Variants in DPF3 observed in about 807,000 individuals in gnomAD.
DPF3 encodes the protein zinc finger protein DPF3.
A neutral mutation model predicts 56.8 loss-of-function variants in DPF3; 18 were observed. The ratio of observed to expected loss-of-function variants is 0.32; its 90% CI spans 0.22 to 0.47. DPF3 has a LOEUF of 0.47. DPF3 is among the 20% of genes least tolerant of loss of function. The probability of loss-of-function intolerance (pLI) is 1.00; values close to 1 mark genes in which losing one functional copy is unlikely to be tolerated. For synonymous variants in DPF3, 188 were observed against 180.2 expected (o/e 1.04, Z -0.35); for missense variants, 403 against 488.8 (o/e 0.82, Z 1.65).
At chr14:72,751,386 C>T (rs1890567234) in intron 3 of DPF3, among the ~76,000 whole-genome samples, 4 of 152,196 alleles carry the variant, frequency 2.6e-5, no homozygotes, top group Admixed American at 1.3e-4. Context: ...CTTCATCGTG[C>T]ATTCTGAGGA....
chr14:72,854,565 G>A (rs922867647), intron 1 of DPF3, among the ~76,000 whole-genome samples: 3 of 152,172 alleles, frequency 2.0e-5, no homozygotes, highest in Admixed American at 2.0e-4. Flanking sequence ...GAAGTGATAA[G>A]CTGATAAGAA....
chr14:72,667,037 T>C (rs1297322282), intron 8 of DPF3, among the ~76,000 whole-genome samples: 1 of 152,206 alleles, frequency 6.6e-6, no homozygotes, highest in Non-Finnish European at 1.5e-5. Flanking sequence ...CAGTGCTGTA[T>C]AAAGCAGTAT....
At chr14:72,810,151 T>G (rs138907335) in intron 1 of DPF3, among the ~76,000 whole-genome samples, 1 of 152,172 alleles carries the variant, frequency 6.6e-6, no homozygotes, top group Non-Finnish European at 1.5e-5. Flanking sequence ...ATAAGGGCAA[T>G]GAAGCCTCAG....
Position 72,731,601 on chromosome 14 carries a change from C to G in DPF3, c.429+206G>C, listed in dbSNP as rs954571147. On this transcript the variant is annotated intron_variant, in intron 4 of 10. Coordinates refer to ENST00000556509, the MANE Select transcript of DPF3 (RefSeq NM_001280542.3). ...ACAGACAGAAGAGAGGGAAGGGAAC[C>G]GAGGTGAAGGCAATAATGACTCCTT... 6 of 618,096 alleles carry G rather than the reference C, an allele frequency of 9.7e-6. No homozygotes were observed. In the African/African-American group the frequency reaches 1.1e-4, roughly 12 times the overall value. The allele number at this position is 618,096 out of a possible 1,614,324, so 38.3% of individuals were successfully genotyped here.
chr14:72,685,288 C>T (rs554760335), intron 7 of DPF3, among the ~76,000 whole-genome samples: 8 of 152,228 alleles, frequency 5.3e-5, no homozygotes, highest in Non-Finnish European at 1.0e-4. Context: ...CCTGACATAA[C>T]TGAATGGTAT....
At chr14:72,728,502 G>A (rs1276517432) in intron 4 of DPF3, among the ~76,000 whole-genome samples, 2 of 152,152 alleles carry the variant, frequency 1.3e-5, no homozygotes, top group East Asian at 1.9e-4. Context: ...GAGAGGACAC[G>A]CCCAGGAAGG....
chr14:72,648,159 C>T (rs1186921290), intron 8 of DPF3, among the ~76,000 whole-genome samples: 1 of 152,226 alleles, frequency 6.6e-6, no homozygotes, highest in Non-Finnish European at 1.5e-5. Context: ...CCCCGTATTT[C>T]ACTAGTCGAA....
chr14:72,713,769 C>A (rs1740400909), intron 6 of DPF3, among the ~76,000 whole-genome samples: 1 of 152,182 alleles, frequency 6.6e-6, no homozygotes, highest in Admixed American at 6.5e-5. Context: ...CCGAGGTCCA[C>A]CCACTGCCCT....
intron 6 of DPF3, among the ~76,000 whole-genome samples, chr14:72,713,781 G>C (rs1333303445): frequency 6.6e-6 from 1 of 152,162 alleles, no homozygotes; most frequent in Non-Finnish European, 1.5e-5. Context: ...CACTGCCCTG[G>C]CTCCCTGCGA....
At chr14:72,842,112 A>G (rs1011334057) in intron 1 of DPF3, among the ~76,000 whole-genome samples, 1 of 151,716 alleles carries the variant, frequency 6.6e-6, no homozygotes, top group African/African-American at 2.4e-5. Flanking sequence ...AAAAACCTCA[A>G]AACCTGACTA....
rs115798995 is a variant in DPF3 at position 72,881,052 on chromosome 14, C to T, written c.32+13005G>A. Among the ~76,000 whole-genome samples, 717 of 152,316 alleles carry T rather than the reference C, an allele frequency of 4.7e-3. 6 individuals are homozygous for T. Among genetic ancestry groups the T allele is most frequent in the African/African-American group, 0.016 (661 of 41,562 alleles). ...AACAGATGCCACCCACACCTAAAGA[C>T]GCATAAAGCAGCAGGAAGACTTGAC... On this transcript the variant is annotated intron_variant, in intron 1 of 10. Coordinates refer to ENST00000556509, the MANE Select transcript of DPF3 (RefSeq NM_001280542.3).
At chr14:72,629,447 G>A (rs1187793868) in intron 9 of DPF3, among the ~76,000 whole-genome samples, 177 bp downstream of exon 9, 1 of 152,218 alleles carries the variant, frequency 6.6e-6, no homozygotes, top group Non-Finnish European at 1.5e-5. Flanking sequence ...CCTGCCATAA[G>A]CAGTGTTGAC....
chr14:72,775,327 TAC>T (rs1325933157), intron 1 of DPF3, among the ~76,000 whole-genome samples: 1 of 152,224 alleles, frequency 6.6e-6, no homozygotes, highest in Non-Finnish European at 1.5e-5. Context: ...AAAAGAAATC[TAC>T]ACAGTAGGAT....
At chr14:72,719,834 G>T (rs1006242320) in intron 5 of DPF3, among the ~76,000 whole-genome samples, 1 of 152,016 alleles carries the variant, frequency 6.6e-6, no homozygotes, top group African/African-American at 2.4e-5. Context: ...TATACAATTT[G>T]CCCACCATCA....
In DPF3 at chr14:72,612,942, C is replaced by G. The variant is rs1047343255; in HGVS notation, c.*6355G>C. 2.0e-5 allele frequency among the ~76,000 whole-genome samples: 3 copies of G among 151,354 alleles called. No homozygotes were observed. Among genetic ancestry groups the G allele is most frequent in the South Asian group, 2.1e-4 (1 of 4,766 alleles). The stretch of plus-strand genomic sequence containing the variant: ...CCTTGCCTGGCAGCCCCTGGCTCTC[C>G]CTCTTGTCCTGGAGCAACATCAAAG... On this transcript the variant is annotated 3_prime_UTR_variant, in exon 11 of 11. Transcript: ENST00000556509.
At chr14:72,850,831 A>G (rs1329668743) in intron 1 of DPF3, among the ~76,000 whole-genome samples, 1 of 151,392 alleles carries the variant, frequency 6.6e-6, no homozygotes, top group Non-Finnish European at 1.5e-5. Context: ...GCGCACGCGC[A>G]TGTGTGTACC....
Position 72,618,318 on chromosome 14 carries a change from G to C in DPF3, c.*979C>G, listed in dbSNP as rs958661716. Among the ~76,000 whole-genome samples the C allele has an allele frequency of 6.6e-6, 1 of 152,180 alleles. No individual in the cohort carries two copies. The highest frequency in any genetic ancestry group is 1.5e-5 in the Non-Finnish European group (1 of 68,038). ...TTCAGAGCGTCGCATCAATACTGAA[G>C]GTTTCTCAAAGCTGCAGCCCCCTGT... is the stretch of plus-strand genomic sequence containing the variant. On this transcript the variant is annotated 3_prime_UTR_variant, in exon 11 of 11. Coordinates refer to ENST00000556509, the MANE Select transcript of DPF3 (RefSeq NM_001280542.3).
At chr14:72,796,750 T>C (rs1555507814) in intron 1 of DPF3, among the ~76,000 whole-genome samples, 1 of 152,148 alleles carries the variant, frequency 6.6e-6, no homozygotes, top group Non-Finnish European at 1.5e-5. Flanking sequence ...GTTTTTTTCA[T>C]CTTCAACTCC....
At chr14:72,819,065 A>T (rs1331116025) in intron 1 of DPF3, among the ~76,000 whole-genome samples, 2 of 152,254 alleles carry the variant, frequency 1.3e-5, no homozygotes, top group African/African-American at 4.8e-5. Flanking sequence ...GACCCTGCAC[A>T]AAAGAAGATA....
Sources: allele counts gnomAD v4.1 joint callset (sites outside exome capture counted in the v4.1 genomes callset), GRCh38; gene constraint gnomAD v4.1.1; transcripts MANE v1.5; gene names NCBI Gene and HGNC (gene_info 2026-07-23, HGNC 2026-07-21).